KLHL28: variants seen among roughly 807,000 people sequenced by gnomAD.
KLHL28 encodes kelch-like protein 28.
KLHL28 carries 22 observed loss-of-function variants against 48.3 expected under a neutral mutation model. That is an observed-to-expected ratio of 0.46 (90% CI 0.33 to 0.65). The LOEUF is 0.65. KLHL28 is among the 30% of genes least tolerant of loss of function. The probability of loss-of-function intolerance (pLI) is 0.03; values close to 1 mark genes in which losing one functional copy is unlikely to be tolerated. For missense variants in KLHL28, 527 were observed against 704.3 expected (o/e 0.75, Z 2.85); for synonymous variants, 243 against 242.4 (o/e 1.00, Z -0.02).
intron 1 of KLHL28, among the ~76,000 whole-genome samples, chr14:44,954,938 G>A (rs1487153959): frequency 1.3e-5 from 2 of 152,082 alleles, no homozygotes; most frequent in Admixed American, 6.6e-5. Context: ...TCTCTATTGC[G>A]ACATGCCCTA....
intron 1 of KLHL28, among the ~76,000 whole-genome samples, chr14:44,956,548 T>G (rs992086851): frequency 6.6e-6 from 1 of 152,172 alleles, no homozygotes; most frequent in Non-Finnish European, 1.5e-5. Flanking sequence ...AAAATCATGT[T>G]AAACAATACC....
chr14:44,929,481 T>A (rs923040881), intron 4 of KLHL28, among the ~76,000 whole-genome samples: 3 of 152,010 alleles, frequency 2.0e-5, no homozygotes, highest in African/African-American at 7.2e-5. Flanking sequence ...TTACAATTGT[T>A]CTATTCTATT....
chr14:44,945,131 A>T lies in KLHL28; in HGVS notation c.798T>A (p.His266Gln), dbSNP rs1479085087. The change falls in exon 2 of 5, where the codon CAT becomes CAA. Residue 266 changes from histidine (H) to glutamine (Q), a missense_variant. Coordinates refer to ENST00000396128, the MANE Select transcript of KLHL28 (RefSeq NM_017658.5). Reference protein sequence around the residue: ...EALKYHFMPEHRLSHQTVLMT... With the variant: ...EALKYHFMPEQRLSHQTVLMT... The stretch of plus-strand genomic sequence containing the variant: ...TCAAGACTGTCTGATGAGAGAGTCT[A>T]TGTTCAGGCATAAAGTGGTACTTTA... The T allele has an allele frequency of 6.2e-7, 1 of 1,613,878 alleles. No homozygotes were observed. The highest frequency in any genetic ancestry group is 1.6e-4 in the Middle Eastern group (1 of 6,062).
At chr14:44,935,820 A>G in intron 2 of KLHL28, among the ~76,000 whole-genome samples, 1 of 142,376 alleles carries the variant, frequency 7.0e-6, no homozygotes, top group African/African-American at 2.5e-5. Flanking sequence ...TATTCTTGAT[A>G]CCCTGCACCC....
chr14:44,925,320 C>A lies in KLHL28; in HGVS notation c.*3708G>T, dbSNP rs1883341126. On this transcript the variant is annotated 3_prime_UTR_variant, in exon 5 of 5. Coordinates refer to ENST00000396128, the MANE Select transcript of KLHL28 (RefSeq NM_017658.5). The stretch of plus-strand genomic sequence containing the variant: ...TACATATATTTCTCTCAATGTCAGC[C>A]AGAGTCTTGATACTACAGGAAATAT... The A allele has an allele frequency of 6.6e-6, 1 of 152,042 alleles. No homozygotes were observed. Among genetic ancestry groups the A allele is most frequent in the South Asian group, 2.1e-4 (1 of 4,822 alleles). The allele number at this position is 152,042 out of a possible 1,614,324, so 9.4% of individuals were successfully genotyped here.
chr14:44,949,808 T>G (rs1232374262), intron 1 of KLHL28, among the ~76,000 whole-genome samples: 1 of 152,168 alleles, frequency 6.6e-6, no homozygotes, highest in Non-Finnish European at 1.5e-5. Context: ...GTTTAGGGAT[T>G]TTAATTGCAG....
chr14:44,929,536 C>T (rs1300322071), intron 4 of KLHL28, among the ~76,000 whole-genome samples: 1 of 152,128 alleles, frequency 6.6e-6, no homozygotes, highest in Non-Finnish European at 1.5e-5. Flanking sequence ...ACAAACTAAA[C>T]CTTATCATAG....
intron 1 of KLHL28, among the ~76,000 whole-genome samples, chr14:44,958,239 G>T (rs1426176243): frequency 6.6e-6 from 1 of 151,706 alleles, no homozygotes; most frequent in Non-Finnish European, 1.5e-5. Context: ...AGTTAATAAA[G>T]GTCAAGTTGC....
chr14:44,954,004 A>T (rs1884693908), intron 1 of KLHL28, among the ~76,000 whole-genome samples: 1 of 152,232 alleles, frequency 6.6e-6, no homozygotes, highest in African/African-American at 2.4e-5. Flanking sequence ...CTATAGGAAA[A>T]ATTGGTTAAA....
rs1471001717 is a variant in KLHL28, at chr14:44,926,064, C to A, written c.*2964G>T. 2 of 151,928 alleles carry A rather than the reference C, an allele frequency of 1.3e-5. No homozygotes were observed. Among genetic ancestry groups the A allele is most frequent in the Non-Finnish European group, 2.9e-5 (2 of 67,964 alleles). The allele number at this position is 151,928 out of a possible 1,614,324, so 9.4% of individuals were successfully genotyped here. On this transcript the variant is annotated 3_prime_UTR_variant, in exon 5 of 5. Transcript: ENST00000396128. ...GGATTTATAACCAAACATTTTGATCCTTTTTAACATAGAAACATGTGGCTT... is the reference window on the plus strand; with the variant it reads ...GGATTTATAACCAAACATTTTGATCATTTTTAACATAGAAACATGTGGCTT...
intron 1 of KLHL28, chr14:44,953,526 C>G (rs1884675398): frequency 6.5e-6 from 1 of 152,700 alleles, no homozygotes; most frequent in Admixed American, 6.6e-5. Context: ...GGACCAGTGG[C>G]TTTATAAGAA....
rs987546157 is a variant in KLHL28 at position 44,928,030 on chromosome 14, A to T, written c.*998T>A. ...TAAAAATGCAAAAGACTATCAAAAC[A>T]TGTCATGCATATCTCATACTGAACA... On this transcript the variant is annotated 3_prime_UTR_variant, in exon 5 of 5. Coordinates refer to ENST00000396128, the MANE Select transcript of KLHL28 (RefSeq NM_017658.5). 1 of 152,608 alleles carries T rather than the reference A, an allele frequency of 6.6e-6. No individual in the cohort carries two copies. Among genetic ancestry groups the T allele is most frequent in the African/African-American group, 2.4e-5 (1 of 41,456 alleles). 9.5% of individuals were successfully genotyped at this position (152,608 alleles called of 1,614,324 possible). A position where few individuals can be genotyped will look rare whatever the true frequency, so the allele number is the denominator to read the frequency against.
rs963258196 is a variant in KLHL28 at position 44,940,654 on chromosome 14, C to T, written c.899+4376G>A. Among the ~76,000 whole-genome samples the T allele has an allele frequency of 5.3e-5, 8 of 152,108 alleles. No individual in the cohort carries two copies. In the East Asian group the frequency reaches 1.5e-3, roughly 29 times the overall value. The stretch of plus-strand genomic sequence containing the variant: ...TGCTGTTTTAAACCCTTGCTTTCAA[C>T]CCCCCCGCCAGCCAGTAAACCTCAA... On this transcript the variant is annotated intron_variant, in intron 2 of 4. Transcript: ENST00000396128.
Position 44,931,306 on chromosome 14 carries a change from GTTTAGAAAT to G in KLHL28, c.1552+18_1552+26del. ...CATTATAGAAAACATTGCCTTACATGTTTAGAAATTAATAAATTCTTATTACCTGTTCTA... is the reference window on the plus strand; with the variant it reads ...CATTATAGAAAACATTGCCTTACATGTAATAAATTCTTATTACCTGTTCTA... On this transcript the variant is annotated intron_variant, in intron 4 of 4. Transcript: ENST00000396128. 3 of 1,479,738 alleles carry G rather than the reference GTTTAGAAAT, an allele frequency of 2.0e-6. No homozygotes were observed. Among genetic ancestry groups the G allele is most frequent in the Non-Finnish European group, 2.8e-6 (3 of 1,065,370 alleles). The allele number at this position is 1,479,738 out of a possible 1,614,324, so 91.7% of individuals were successfully genotyped here.
At position 44,929,013 on chromosome 14, in the gene KLHL28, G is replaced by A. The variant is rs780717814; in HGVS notation, c.*15C>T. The A allele has an allele frequency of 2.9e-5, 46 of 1,611,840 alleles. No individual in the cohort carries two copies. The highest frequency in any genetic ancestry group is 6.7e-5 in the Admixed American group (4 of 59,888). ...CAAGTTTCACCACCATACTATTTCC[G>A]AGAGTTCACATTTGTCAAAGTGCAG... On this transcript the variant is annotated 3_prime_UTR_variant, in exon 5 of 5. Transcript: ENST00000396128.
chr14:44,932,049 G>T (rs1883612881), intron 3 of KLHL28, among the ~76,000 whole-genome samples: 1 of 151,088 alleles, frequency 6.6e-6, no homozygotes, highest in South Asian at 2.1e-4. Context: ...TTTGAGGCAG[G>T]TCTCGCTCTG....
rs749894595 is a variant in KLHL28, at chr14:44,934,597, A to G, written c.900-39T>C. ...AGAAAAAATATAAAATTTAAAAACC[A>G]AAGTGGCCCATAAAGACAGATATGT... On this transcript the variant is annotated intron_variant, in intron 2 of 4. Coordinates refer to ENST00000396128, the MANE Select transcript of KLHL28 (RefSeq NM_017658.5). The G allele has an allele frequency of 3.5e-6, 5 of 1,432,102 alleles. No homozygotes were observed. The Admixed American group carries it at 1.2e-4, about 34-fold the overall frequency. 88.7% of individuals were successfully genotyped at this position (1,432,102 alleles called of 1,614,324 possible). A position where few individuals can be genotyped will look rare whatever the true frequency, so the allele number is the denominator to read the frequency against.
intron 1 of KLHL28, chr14:44,960,890 G>A (rs1485482098): frequency 6.5e-7 from 1 of 1,531,770 alleles, no homozygotes; most frequent in South Asian, 1.2e-5. Flanking sequence ...ATCCCACCTG[G>A]TACAGAGCAG....
rs114687551 is a variant in KLHL28 at position 44,939,072 on chromosome 14, C to G, written c.900-4514G>C. ...CTGCAAGCCTGTAGAGTTAACATCA[C>G]ATGGCCAACACCAAAGCTTACTACT... On this transcript the variant is annotated intron_variant, in intron 2 of 4. Coordinates refer to ENST00000396128, the MANE Select transcript of KLHL28 (RefSeq NM_017658.5). Among the ~76,000 whole-genome samples the G allele has an allele frequency of 7.4e-3, 1,132 of 152,326 alleles. 11 individuals carry two copies. Among genetic ancestry groups the G allele is most frequent in the African/African-American group, 0.025 (1,054 of 41,568 alleles).
Sources: allele counts gnomAD v4.1 joint callset (sites outside exome capture counted in the v4.1 genomes callset), GRCh38; gene constraint gnomAD v4.1.1; transcripts MANE v1.5; gene names NCBI Gene and HGNC (gene_info 2026-07-23, HGNC 2026-07-21).